The following CSMD1 variants were observed in gnomAD, a reference collection of about 807,000 sequenced individuals.
CSMD1 encodes CUB and sushi domain-containing protein 1.
CSMD1 carries 213 observed loss-of-function variants against 417.5 expected under a neutral mutation model. The observed-to-expected ratio is 0.51, with a 90% confidence interval of 0.46 to 0.57. CSMD1 has a LOEUF of 0.57. CSMD1 is among the 20% of genes least tolerant of loss of function. CSMD1 has a pLI of 0.00. For synonymous variants in CSMD1, 2,862 were observed against 1,736.8 expected (o/e 1.65, Z -16.11); for missense variants, 6,923 against 4,529.7 (o/e 1.53, Z -15.17).
chr8:3,561,088 G>A (rs1905098), intron 10 of CSMD1, among the ~76,000 whole-genome samples: 133,430 of 152,224 alleles, frequency 0.88, 58,558 homozygotes, highest in African/African-American at 0.91. Flanking sequence ...TAGAACCACA[G>A]TGAGATGCCA....
chr8:3,998,317 T>C (rs1815385604), intron 4 of CSMD1, among the ~76,000 whole-genome samples: 1 of 152,166 alleles, frequency 6.6e-6, no homozygotes, highest in Non-Finnish European at 1.5e-5. Flanking sequence ...TCTTATTAAT[T>C]GAATGGCCAT....
At chr8:3,015,243 C>G (rs546899060) in intron 52 of CSMD1, among the ~76,000 whole-genome samples, 1 of 152,248 alleles carries the variant, frequency 6.6e-6, no homozygotes. Context: ...GGATTTGTCC[C>G]TCCGGACACT....
At chr8:4,411,989 G>GGGGTGTGT (rs150562714) in intron 3 of CSMD1, among the ~76,000 whole-genome samples, 2 of 148,942 alleles carry the variant, frequency 1.3e-5, no homozygotes, top group African/African-American at 2.5e-5. Flanking sequence ...CATAGCTAAG[G>GGGGTGTGT]GTGTGTGTGT....
At chr8:4,144,219 C>A (rs895676864) in intron 3 of CSMD1, among the ~76,000 whole-genome samples, 1 of 150,974 alleles carries the variant, frequency 6.6e-6, no homozygotes, top group South Asian at 2.1e-4. Flanking sequence ...GGGCTTCTTC[C>A]TTGATTCAGC....
In CSMD1 at chr8:4,107,585, C is replaced by T. The variant is rs556792063; in HGVS notation, c.416-75486G>A. Among the ~76,000 whole-genome samples, 30 of 152,248 alleles carry T rather than the reference C, an allele frequency of 2.0e-4. 2 individuals are homozygous for T. Among genetic ancestry groups the T allele is most frequent in the African/African-American group, 6.5e-4 (27 of 41,546 alleles). ...CTGCTGGCTTCTAATTATAAGCAAGCGCTTTGTGAATAGCTGGGAGTATGA... is the reference window on the plus strand; with the variant it reads ...CTGCTGGCTTCTAATTATAAGCAAGTGCTTTGTGAATAGCTGGGAGTATGA... On this transcript the variant is annotated intron_variant, in intron 3 of 69. Coordinates refer to ENST00000635120, the MANE Select transcript of CSMD1 (RefSeq NM_033225.6).
At chr8:4,447,478 A>C (rs1798882340) in intron 2 of CSMD1, among the ~76,000 whole-genome samples, 1 of 152,228 alleles carries the variant, frequency 6.6e-6, no homozygotes, top group African/African-American at 2.4e-5. Context: ...ACAGTAAACA[A>C]AATCTTTAAA....
Position 4,743,445 on chromosome 8 carries a change from G to A in CSMD1, c.86-105887C>T, listed in dbSNP as rs968348281. On this transcript the variant is annotated intron_variant, in intron 1 of 69. Transcript: ENST00000635120. ...AAAAATGAACGTGTGTCAAGAATGAGCAGAGTAGAGCGCTTCTCACGGGCC... is the reference window on the plus strand; with the variant it reads ...AAAAATGAACGTGTGTCAAGAATGAACAGAGTAGAGCGCTTCTCACGGGCC... Among the ~76,000 whole-genome samples, 6 of 152,250 alleles carry A rather than the reference G, an allele frequency of 3.9e-5. No individual in the cohort carries two copies. In the South Asian group the frequency reaches 1.0e-3, roughly 26 times the overall value.
In CSMD1 at chr8:4,037,071, C is replaced by A. The variant is rs1013684424; in HGVS notation, c.416-4972G>T. On this transcript the variant is annotated intron_variant, in intron 3 of 69. Coordinates refer to ENST00000635120, the MANE Select transcript of CSMD1 (RefSeq NM_033225.6). ...CCCGGAGCTGCTGAGACAGCTCTGG[C>A]CACCCACAACCCAAAACTGGAATAA... is the stretch of plus-strand genomic sequence containing the variant. Among the ~76,000 whole-genome samples the A allele has an allele frequency of 2.0e-5, 3 of 151,764 alleles. No homozygotes were observed. In the East Asian group the frequency reaches 5.8e-4, roughly 29 times the overall value.
At chr8:3,769,237 T>C (rs1798448149) in intron 5 of CSMD1, among the ~76,000 whole-genome samples, 1 of 152,208 alleles carries the variant, frequency 6.6e-6, no homozygotes, top group Non-Finnish European at 1.5e-5. Context: ...CGAAGGCAAT[T>C]TGATCATCAC....
At chr8:3,339,654 G>C (rs1807511566) in intron 23 of CSMD1, among the ~76,000 whole-genome samples, 1 of 152,158 alleles carries the variant, frequency 6.6e-6, no homozygotes, top group Non-Finnish European at 1.5e-5. Context: ...TGTTACTTCA[G>C]GTGAAACTCT....
intron 10 of CSMD1, among the ~76,000 whole-genome samples, chr8:3,503,500 C>A (rs1315979724): frequency 6.6e-6 from 1 of 152,214 alleles, no homozygotes; most frequent in Admixed American, 6.5e-5. Context: ...GGCAGGAAGC[C>A]AAGAAACTTG....
At chr8:4,046,029 T>G (rs1798129381) in intron 3 of CSMD1, among the ~76,000 whole-genome samples, 1 of 152,108 alleles carries the variant, frequency 6.6e-6, no homozygotes, top group Non-Finnish European at 1.5e-5. Context: ...AATATAAAAT[T>G]TAGGACTCAT....
chr8:3,631,386 G>T (rs1043555372), intron 7 of CSMD1, among the ~76,000 whole-genome samples: 1 of 152,214 alleles, frequency 6.6e-6, no homozygotes, highest in East Asian at 1.9e-4. Flanking sequence ...GGTAGTCAGT[G>T]ACTGGAGTAG....
chr8:4,508,069 G>C (rs1314258321), intron 2 of CSMD1, among the ~76,000 whole-genome samples: 1 of 139,960 alleles, frequency 7.1e-6, no homozygotes, highest in East Asian at 2.1e-4. Context: ...GAGATTGTGA[G>C]CTATGTAGAA....
At chr8:4,728,360 C>T (rs1809612856) in intron 1 of CSMD1, among the ~76,000 whole-genome samples, 1 of 151,522 alleles carries the variant, frequency 6.6e-6, no homozygotes, top group Admixed American at 6.6e-5. Flanking sequence ...TAATTTGGTC[C>T]TCATTACATG....
At chr8:3,166,323 G>C (rs773581283) in intron 37 of CSMD1, among the ~76,000 whole-genome samples, 4 of 152,160 alleles carry the variant, frequency 2.6e-5, no homozygotes, top group Admixed American at 2.0e-4. Context: ...CTGAGGTCAG[G>C]TGTTCAAGAC....
intron 3 of CSMD1, among the ~76,000 whole-genome samples, chr8:4,189,103 T>C (rs1584987788): frequency 1.3e-5 from 2 of 152,344 alleles, no homozygotes; most frequent in South Asian, 2.1e-4. Context: ...GACATTCACG[T>C]TTTGGTTTAC....
chr8:3,967,072 C>G (rs1185552622), intron 5 of CSMD1, among the ~76,000 whole-genome samples: 1 of 152,140 alleles, frequency 6.6e-6, no homozygotes, highest in Non-Finnish European at 1.5e-5. Context: ...CAGACATGAG[C>G]AAGCTATTCT....
intron 2 of CSMD1, among the ~76,000 whole-genome samples, chr8:4,594,195 C>CTTTCTTTTTT (rs1800139399): frequency 1.1e-5 from 1 of 92,374 alleles, no homozygotes; most frequent in Non-Finnish European, 2.1e-5. Context: ...CTAAAGTGAT[C>CTTTCTTTTTT]TTTTTTTTTT....
Sources: gnomAD v4.1 joint callset for allele counts (sites outside exome capture counted in the v4.1 genomes callset) on GRCh38, gnomAD v4.1.1 for gene constraint, MANE v1.5 for transcripts, NCBI Gene and HGNC (gene_info 2026-07-23, HGNC 2026-07-21) for gene names.